Variants in TIMM22 observed in about 807,000 individuals in gnomAD.
TIMM22 encodes the protein translocase of inner mitochondrial membrane 22.
A neutral mutation model predicts 18.3 loss-of-function variants in TIMM22; 12 were observed. That is an observed-to-expected ratio of 0.65 (90% CI 0.42 to 1.06). The LOEUF (loss-of-function observed/expected upper bound fraction) is 1.06, where lower values mean the gene tolerates loss of function less well. Ranked by LOEUF, TIMM22 falls within the 50% of genes least tolerant of loss-of-function variation. The pLI, the probability that TIMM22 is intolerant of heterozygous loss-of-function variation, is 0.00. For missense variants in TIMM22, 278 were observed against 252.8 expected, an observed-to-expected ratio of 1.10 and a Z score of -0.68; for synonymous variants, 107 against 98.5, an observed-to-expected ratio of 1.09 and a Z score of -0.51.
chr17:1,001,007 G>A lies in TIMM22; in HGVS notation c.509-5G>A. 1 of 1,614,004 alleles carries A rather than the reference G, an allele frequency of 6.2e-7. No homozygotes were observed. Among genetic ancestry groups the A allele is most frequent in the South Asian group, 1.1e-5 (1 of 91,050 alleles). On this transcript the variant is annotated splice_region_variant and splice_polypyrimidine_tract_variant and intron_variant, in intron 3 of 3. Transcript: ENST00000327158. ...CAGGTCATGTTCTTTCTGTTTGTTT[G>A]ACAGCTGGCTTAAAGGCTGGGGCCA...
chr17:1,002,652 A>C lies in TIMM22; in HGVS notation c.*1564A>C, dbSNP rs1362391299. On this transcript the variant is annotated 3_prime_UTR_variant, in exon 4 of 4. Coordinates refer to ENST00000327158, the MANE Select transcript of TIMM22 (RefSeq NM_013337.4). ...CTAGGCCAGTTGGAGCGTTCCCTAG[A>C]GCTCAGAACAAATTGTTTCCTCTGC... The C allele has an allele frequency of 6.6e-6, 1 of 152,200 alleles. No individual in the cohort carries two copies. Among genetic ancestry groups the C allele is most frequent in the East Asian group, 1.9e-4 (1 of 5,198 alleles). 9.4% of individuals were successfully genotyped at this position (152,200 alleles called of 1,614,324 possible).
Position 1,001,796 on chromosome 17 carries a change from A to G in TIMM22, c.*708A>G, listed in dbSNP as rs1370559470. 2 of 152,162 alleles carry G rather than the reference A, an allele frequency of 1.3e-5. No individual in the cohort carries two copies. Among genetic ancestry groups the G allele is most frequent in the Non-Finnish European group, 2.9e-5 (2 of 68,066 alleles). 9.4% of individuals were successfully genotyped at this position (152,162 alleles called of 1,614,324 possible). On this transcript the variant is annotated 3_prime_UTR_variant, in exon 4 of 4. Coordinates refer to ENST00000327158, the MANE Select transcript of TIMM22 (RefSeq NM_013337.4). ...TTAGAGGACTGTGTCATCCTCACCA[A>G]GCTCATTACATCTGCCAGGGCCTGC...
At chr17:999,661 A>G in intron 3 of TIMM22, 77 bp downstream of exon 3, 2 of 1,352,252 alleles carry the variant, frequency 1.5e-6, no homozygotes, top group East Asian at 2.4e-5. Flanking sequence ...CAAACACACG[A>G]GTGTTCCAGG....
chr17:1,001,433 A>G lies in TIMM22; in HGVS notation c.*345A>G, dbSNP rs2069744012. ...CTAGGTTGTTTGGTGTTGTGGGCAC[A>G]GAGGTGACAGTGTCTCTGCAGGCAC... On this transcript the variant is annotated 3_prime_UTR_variant, in exon 4 of 4. Coordinates refer to ENST00000327158, the MANE Select transcript of TIMM22 (RefSeq NM_013337.4). The G allele has an allele frequency of 3.8e-6, 1 of 263,868 alleles. No individual in the cohort carries two copies. The highest frequency in any genetic ancestry group is 7.5e-6 in the Non-Finnish European group (1 of 132,944). 16.3% of individuals were successfully genotyped at this position (263,868 alleles called of 1,614,324 possible).
rs1273989084 is a variant in TIMM22, at chr17:1,001,196, C to A, written c.*108C>A. On this transcript the variant is annotated 3_prime_UTR_variant, in exon 4 of 4. Transcript: ENST00000327158. ...CCTTGCTTCAGGGCCTGAAGACATT[C>A]ATTTTCCCTCATGTCGTTGGTATTC... 1 of 1,205,068 alleles carries A rather than the reference C, an allele frequency of 8.3e-7. No homozygotes were observed. Among genetic ancestry groups the A allele is most frequent in the Non-Finnish European group, 1.2e-6 (1 of 825,394 alleles). The allele number at this position is 1,205,068 out of a possible 1,614,324, so 74.6% of individuals were successfully genotyped here.
Position 997,272 on chromosome 17 carries a change from C to G in TIMM22, c.130C>G (p.Pro44Ala), listed in dbSNP as rs1488109741. Residue 44 changes from proline to alanine, a missense_variant, in exon 1 of 4, where the codon CCT becomes GCT. Physicochemically the swap from Pro to Ala is conservative, Grantham distance 27. Transcript: ENST00000327158. ...GDKRQPRLLE[P>A]GSLGGIPSPA... ...CAAGCGTCAGCCCCGGCTCCTGGAG[C>G]CTGGGAGCCTGGGCGGGATCCCAAG... 1.2e-6 allele frequency: 2 copies of G among 1,613,610 alleles called. No individual in the cohort carries two copies. Among genetic ancestry groups the G allele is most frequent in the Non-Finnish European group, 8.5e-7 (1 of 1,179,936 alleles).
chr17:997,331 G>C lies in TIMM22; in HGVS notation c.189G>C (p.Glu63Asp), dbSNP rs1470417210. ...PAKSEEQKMI[E>D]KAMESCAFKA... is the part of the protein sequence containing the mutation. ...AGAGTGAGGAGCAGAAGATGATCGA[G>C]AAGGCGATGGAAAGCTGCGCTTTCA... Residue 63 changes from glutamate to aspartate, a missense_variant, in exon 1 of 4, where the codon GAG (glutamate) becomes GAC (aspartate). By Grantham distance (45) the Glu-to-Asp change is conservative. Transcript: ENST00000327158. 7 of 1,613,892 alleles carry C rather than the reference G, an allele frequency of 4.3e-6. No individual in the cohort carries two copies. The highest frequency in any genetic ancestry group is 5.9e-6 in the Non-Finnish European group (7 of 1,179,940).
rs76343685 is a variant in TIMM22, at chr17:997,162, A to G, written c.20A>G (p.Asn7Ser). Residue 7 changes from asparagine to serine, a missense_variant, in exon 1 of 4, where the codon AAT becomes AGT. Coordinates refer to ENST00000327158, the MANE Select transcript of TIMM22 (RefSeq NM_013337.4). ...ACTGTCATGGCGGCGGCCGCCCCCA[A>G]TGCCGGAGGCTCGGCCCCTGAGACA... MAAAAP[N>S]AGGSAPETAG... 446 of 1,609,648 alleles carry G rather than the reference A, an allele frequency of 2.8e-4. No homozygotes were observed. The African/African-American group carries it at 4.9e-3, about 18-fold the overall frequency.
intron 1 of TIMM22, 100 bp downstream of exon 1, chr17:997,480 G>C (rs1169916527): frequency 7.6e-5 from 92 of 1,206,290 alleles, no homozygotes; most frequent in African/African-American, 1.5e-5. Context: ...GGGACTGCGG[G>C]CCTTGACCTT....
rs1012994302 is a variant in TIMM22, at chr17:1,003,534, T to C, written c.*2446T>C. 2 of 152,596 alleles carry C rather than the reference T, an allele frequency of 1.3e-5. No individual in the cohort carries two copies. Among genetic ancestry groups the C allele is most frequent in the Non-Finnish European group, 2.9e-5 (2 of 68,036 alleles). The allele number at this position is 152,596 out of a possible 1,614,324, so 9.5% of individuals were successfully genotyped here. A position where few individuals can be genotyped will look rare whatever the true frequency, so the allele number is the denominator to read the frequency against. On this transcript the variant is annotated 3_prime_UTR_variant, in exon 4 of 4. Coordinates refer to ENST00000327158, the MANE Select transcript of TIMM22 (RefSeq NM_013337.4). ...ACCACAGGGCTGAGTTTTGTGCAAA[T>C]GATGGGGCTTTGCATTTTTTATTAA...
chr17:999,358 T>TATATATATATATACATACAC (rs1408779709), intron 2 of TIMM22, among the ~76,000 whole-genome samples, 154 bp from the exon 3 acceptor site: 4 of 132,608 alleles, frequency 3.0e-5, no homozygotes, highest in African/African-American at 1.3e-4. Flanking sequence ...TATATATATA[T>TATATATATATATACATACAC]ACACGCTGTA....
Position 1,001,273 on chromosome 17 carries a change from T to C in TIMM22, c.*185T>C. On this transcript the variant is annotated 3_prime_UTR_variant, in exon 4 of 4. Coordinates refer to ENST00000327158, the MANE Select transcript of TIMM22 (RefSeq NM_013337.4). ...TCCAGCCTTTGGGGTAGCCACACTT[T>C]GCTGCTCCTGGACTCCAGCCAGCCT... 1 of 585,246 alleles carries C rather than the reference T, an allele frequency of 1.7e-6. No homozygotes were observed. The highest frequency in any genetic ancestry group is 3.0e-6 in the Non-Finnish European group (1 of 332,582). The allele number at this position is 585,246 out of a possible 1,614,324, so 36.3% of individuals were successfully genotyped here.
chr17:997,520 G>C (rs1413426883), intron 1 of TIMM22, 140 bp downstream of exon 1: 8 of 811,528 alleles, frequency 9.9e-6, no homozygotes, highest in Non-Finnish European at 1.5e-5. Flanking sequence ...TCGTGAATCG[G>C]GCGTCACCTC....
intron 3 of TIMM22, among the ~76,000 whole-genome samples, chr17:999,981 C>G (rs2069727031): frequency 6.6e-6 from 1 of 152,132 alleles, no homozygotes; most frequent in Admixed American, 6.5e-5. Context: ...CTCACTGCAA[C>G]CTCCACCTCC....
At chr17:999,460 G>A (rs188012002) in intron 2 of TIMM22, 52 bp from the exon 3 acceptor site, 2 of 1,594,762 alleles carry the variant, frequency 1.3e-6, no homozygotes, top group East Asian at 2.2e-5. Context: ...CCTCCTTAAT[G>A]GTCTGCCTTG....
Position 1,001,307 on chromosome 17 carries a change from G to C in TIMM22, c.*219G>C. On this transcript the variant is annotated 3_prime_UTR_variant, in exon 4 of 4. Coordinates refer to ENST00000327158, the MANE Select transcript of TIMM22 (RefSeq NM_013337.4). ...TGGACTCCAGCCAGCCTTCACAGAG[G>C]ACGTCCCGTGCCAGATTCTCTCACA... 1 of 500,008 alleles carries C rather than the reference G, an allele frequency of 2.0e-6. No homozygotes were observed. Among genetic ancestry groups the C allele is most frequent in the Non-Finnish European group, 3.7e-6 (1 of 273,106 alleles). 31.0% of individuals were successfully genotyped at this position (500,008 alleles called of 1,614,324 possible).
At position 999,582 on chromosome 17, in the gene TIMM22, G is replaced by T. The variant is rs777239534; in HGVS notation, c.506G>T (p.Arg169Ile). ...ATCACGGGAGGAGCTATTGGTTTCAGAGGTTAGTAAACGGCTCTCGAATGC... is the reference window on the plus strand; with the variant it reads ...ATCACGGGAGGAGCTATTGGTTTCATAGGTTAGTAAACGGCTCTCGAATGC... ...GCITGGAIGFRAGLKAGAIGC... is the reference protein window; with the variant it reads ...GCITGGAIGFIAGLKAGAIGC... The change falls in exon 3 of 4, where the codon AGA becomes ATA. Residue 169 changes from arginine to isoleucine, a missense_variant and splice_region_variant. Arg to Ile is a moderately conservative substitution (Grantham distance 97, BLOSUM62 -3). Transcript: ENST00000327158. 1 of 1,613,188 alleles carries T rather than the reference G, an allele frequency of 6.2e-7. No homozygotes were observed. Among genetic ancestry groups the T allele is most frequent in the Non-Finnish European group, 8.5e-7 (1 of 1,179,550 alleles).
At chr17:999,708 G>A (rs2069724223) in intron 3 of TIMM22, 124 bp downstream of exon 3, 1 of 974,036 alleles carries the variant, frequency 1.0e-6, no homozygotes, top group Non-Finnish European at 1.6e-6. Context: ...AATAAATCAT[G>A]TTTGTTTCTG....
intron 3 of TIMM22, among the ~76,000 whole-genome samples, chr17:1,000,595 C>T (rs757603579): frequency 2.6e-5 from 4 of 152,142 alleles, no homozygotes; most frequent in South Asian, 4.1e-4. Context: ...ACTTCTCCGC[C>T]GGTCGTCCCA....
Sources: allele counts gnomAD v4.1 joint callset (sites outside exome capture counted in the v4.1 genomes callset), GRCh38; gene constraint gnomAD v4.1.1; transcripts MANE v1.5; gene names NCBI Gene and HGNC (gene_info 2026-07-23, HGNC 2026-07-21).